Variants in GATC observed in about 807,000 individuals in gnomAD.
GATC encodes glutamyl-tRNA amidotransferase subunit C, also known as glutamyl-tRNA(Gln) amidotransferase subunit C, mitochondrial.
Under a neutral mutation model 14.4 loss-of-function variants are expected in GATC, and 11 were observed. The observed-to-expected ratio is 0.77, with a 90% confidence interval of 0.48 to 1.27. GATC has a LOEUF of 1.27. GATC is among the 50% of genes most tolerant of loss of function. The pLI is 0.00. For missense variants in GATC, 204 were observed against 183.0 expected (o/e 1.11, Z -0.66); for synonymous variants, 76 against 79.3 (o/e 0.96, Z 0.22).
rs1381591641 is a variant in GATC, at chr12:120,448,974, TTAA to T, written c.254+2147_254+2149del. On this transcript the variant is annotated intron_variant, in intron 2 of 3. Transcript: ENST00000551765. ...ATACTTAGGTTCTTTTTTTTTTTTT[TTAA>T]TTGAGACAAGAGTCTCGCTCTGTCG... 5.3e-5 allele frequency among the ~76,000 whole-genome samples: 8 copies of T among 151,340 alleles called. No individual in the cohort carries two copies. In the East Asian group the frequency reaches 1.4e-3, roughly 26 times the overall value.
chr12:120,451,875 C>CTTTTTTGTTTTTTTTT (rs1878056114), intron 2 of GATC, among the ~76,000 whole-genome samples: 1 of 90,794 alleles, frequency 1.1e-5, no homozygotes, highest in Non-Finnish European at 2.3e-5. Context: ...TATATAAATT[C>CTTTTTTGTTTTTTTTT]TTTTTTTTTT....
chr12:120,457,179 G>A lies in GATC; in HGVS notation c.358G>A (p.Gly120Ser). ...VVEEYFVAPP[G>S]NISLPKLDEQ... is the part of the protein sequence containing the mutation. ...GGAGGAGTACTTTGTGGCCCCCCCAGGTACGTGCTGCCCAGAATGGTTTAA... is the reference window on the plus strand; with the variant it reads ...GGAGGAGTACTTTGTGGCCCCCCCAAGTACGTGCTGCCCAGAATGGTTTAA... Residue 120 changes from glycine (G) to serine (S), a missense_variant and splice_region_variant, in exon 3 of 4, where the codon GGT (glycine) becomes AGT (serine). Transcript: ENST00000551765. 6.2e-7 allele frequency: 1 copy of A among 1,605,340 alleles called. No individual in the cohort carries two copies. Among genetic ancestry groups the A allele is most frequent in the Non-Finnish European group, 8.5e-7 (1 of 1,172,148 alleles).
In GATC at chr12:120,459,530, T is replaced by C. The variant is rs140198408; in HGVS notation, c.359-377T>C. On this transcript the variant is annotated intron_variant, in intron 3 of 3. Transcript: ENST00000551765. ...AGAAAGTAGTGATCAGTTAGCTCAG[T>C]AGAGCCAGCTGGGCGGCAGGCTCAG... 2.0e-5 allele frequency among the ~76,000 whole-genome samples: 3 copies of C among 152,330 alleles called. 1 individual carries two copies. The highest frequency in any genetic ancestry group is 4.4e-5 in the Non-Finnish European group (3 of 68,024).
intron 2 of GATC, chr12:120,454,957 C>T (rs556681883): frequency 5.3e-5 from 24 of 449,994 alleles, no homozygotes; most frequent in South Asian, 7.8e-5. Flanking sequence ...GTGTGATCTC[C>T]GCTCACTACA....
At chr12:120,448,960 CTTTTT>C (rs370203860) in intron 2 of GATC, among the ~76,000 whole-genome samples, 2 of 140,128 alleles carry the variant, frequency 1.4e-5, no homozygotes, top group Non-Finnish European at 3.1e-5. Flanking sequence ...TACTTAGGTT[CTTTTT>C]TTTTTTTTTT....
intron 2 of GATC, among the ~76,000 whole-genome samples, chr12:120,451,872 A>ATTTTTTTTTTTTTTTTTTT (rs1555219520): frequency 3.4e-5 from 3 of 88,084 alleles, no homozygotes; most frequent in African/African-American, 1.4e-4. Flanking sequence ...AATTATATAA[A>ATTTTTTTTTTTTTTTTTTT]TTCTTTTTTT....
chr12:120,456,706 C>G (rs1423578959), intron 2 of GATC, among the ~76,000 whole-genome samples: 1 of 152,218 alleles, frequency 6.6e-6, no homozygotes, highest in Non-Finnish European at 1.5e-5. Flanking sequence ...GTGCTACTCA[C>G]GCAGGCTGGA....
chr12:120,460,031 T>TA lies in GATC; in HGVS notation c.*73dup. The TA allele has an allele frequency of 8.7e-7, 1 of 1,155,356 alleles. No individual in the cohort carries two copies. Among genetic ancestry groups the TA allele is most frequent in the Non-Finnish European group, 1.3e-6 (1 of 779,532 alleles). 71.6% of individuals were successfully genotyped at this position (1,155,356 alleles called of 1,614,324 possible). ...AATGACAGTATTTTTTTACTGTGAATACTAATGTTCCTGCTTTTTTCAGTC... is the reference window on the plus strand; with the variant it reads ...AATGACAGTATTTTTTTACTGTGAATAACTAATGTTCCTGCTTTTTTCAGTC... On this transcript the variant is annotated 3_prime_UTR_variant, in exon 4 of 4. Transcript: ENST00000551765.
At position 120,457,092 on chromosome 12, in the gene GATC, T is replaced by C; in HGVS notation, c.271T>C (p.Ser91Pro). The C allele has an allele frequency of 6.2e-7, 1 of 1,613,442 alleles. No homozygotes were observed. The highest frequency in any genetic ancestry group is 8.5e-7 in the Non-Finnish European group (1 of 1,179,410). The change falls in exon 3 of 4, where the codon TCC (serine) becomes CCC (proline). Residue 91 changes from serine to proline, a missense_variant. Coordinates refer to ENST00000551765, the MANE Select transcript of GATC (RefSeq NM_176818.3). ...VLEDRCLYLR[S>P]DNVVEGNCAD... The stretch of plus-strand genomic sequence containing the variant: ...GTTTTGTAGATGTCTATACCTGAGA[T>C]CCGACAATGTGGTAGAAGGCAACTG...
Position 120,462,275 on chromosome 12 carries a change from C to T in GATC, c.*2316C>T. ...AAGTATTGAGCACTTACTGTGTACT[C>T]TGTGCCTGGCATGAGGCTATCTCAT... On this transcript the variant is annotated 3_prime_UTR_variant, in exon 4 of 4. Transcript: ENST00000551765. 8.8e-7 allele frequency: 1 copy of T among 1,142,704 alleles called. No homozygotes were observed. The highest frequency in any genetic ancestry group is 2.7e-5 in the East Asian group (1 of 37,244). 70.8% of individuals were successfully genotyped at this position (1,142,704 alleles called of 1,614,324 possible). A position where few individuals can be genotyped will look rare whatever the true frequency, so the allele number is the denominator to read the frequency against.
Position 120,458,221 on chromosome 12 carries a change from T to C in GATC, c.358+1042T>C, listed in dbSNP as rs183850644. On this transcript the variant is annotated intron_variant, in intron 3 of 3. Coordinates refer to ENST00000551765, the MANE Select transcript of GATC (RefSeq NM_176818.3). Reference sequence around the variant, plus strand: ...TCTCTGCCTCAGCCTGCCGAGTAGCTGGGATTACAGGTGCCTGCCACCATG... The same window carrying C: ...TCTCTGCCTCAGCCTGCCGAGTAGCCGGGATTACAGGTGCCTGCCACCATG... 2.6e-3 allele frequency among the ~76,000 whole-genome samples: 394 copies of C among 151,872 alleles called. 1 individual carries two copies. The highest frequency in any genetic ancestry group is 4.6e-3 in the Non-Finnish European group (313 of 67,978).
chr12:120,457,189 G>A lies in GATC; in HGVS notation c.358+10G>A. The A allele has an allele frequency of 1.9e-6, 3 of 1,584,498 alleles. No homozygotes were observed. Among genetic ancestry groups the A allele is most frequent in the Non-Finnish European group, 2.6e-6 (3 of 1,153,182 alleles). On this transcript the variant is annotated intron_variant, in intron 3 of 3. Transcript: ENST00000551765. ...TTTGTGGCCCCCCCAGGTACGTGCTGCCCAGAATGGTTTAACAGATAGTCT... is the reference window on the plus strand; with the variant it reads ...TTTGTGGCCCCCCCAGGTACGTGCTACCCAGAATGGTTTAACAGATAGTCT...
chr12:120,454,106 C>T (rs1012286894), intron 2 of GATC, among the ~76,000 whole-genome samples: 1 of 152,108 alleles, frequency 6.6e-6, no homozygotes, highest in African/African-American at 2.4e-5. Context: ...CGCCTATTGG[C>T]GGTAGTAGAG....
rs147783239 is a variant in GATC, at chr12:120,449,031, T to C, written c.254+2202T>C. ...AGGCTGGAGTGCAGTGGCGTGATCTTGGCTCACTGCAAGTTCCGCCTCCTG... is the reference window on the plus strand; with the variant it reads ...AGGCTGGAGTGCAGTGGCGTGATCTCGGCTCACTGCAAGTTCCGCCTCCTG... On this transcript the variant is annotated intron_variant, in intron 2 of 3. Coordinates refer to ENST00000551765, the MANE Select transcript of GATC (RefSeq NM_176818.3). Among the ~76,000 whole-genome samples, 646 of 151,010 alleles carry C rather than the reference T, an allele frequency of 4.3e-3. 3 individuals are homozygous for C. Among genetic ancestry groups the C allele is most frequent in the African/African-American group, 0.015 (611 of 41,062 alleles).
Position 120,459,003 on chromosome 12 carries a change from G to A in GATC, c.359-904G>A, listed in dbSNP as rs191489542. On this transcript the variant is annotated intron_variant, in intron 3 of 3. Coordinates refer to ENST00000551765, the MANE Select transcript of GATC (RefSeq NM_176818.3). ...AGCCTCCCAAGTAGCTAGGACTACAGGCGCCCACCACAACGCCTGGCTAAT... is the reference window on the plus strand; with the variant it reads ...AGCCTCCCAAGTAGCTAGGACTACAAGCGCCCACCACAACGCCTGGCTAAT... 2.6e-3 allele frequency among the ~76,000 whole-genome samples: 392 copies of A among 152,276 alleles called. 1 individual carries two copies. Among genetic ancestry groups the A allele is most frequent in the Non-Finnish European group, 4.7e-3 (319 of 68,024 alleles).
intron 3 of GATC, among the ~76,000 whole-genome samples, 181 bp downstream of exon 3, chr12:120,457,360 T>C (rs1448741973): frequency 6.6e-6 from 1 of 151,930 alleles, no homozygotes; most frequent in African/African-American, 2.4e-5. Context: ...GGGCAGTTAG[T>C]AACAGGAACA....
At chr12:120,453,891 A>G (rs974002179) in intron 2 of GATC, among the ~76,000 whole-genome samples, 4 of 152,116 alleles carry the variant, frequency 2.6e-5, no homozygotes, top group Admixed American at 2.0e-4. Context: ...TATTTTAGGA[A>G]CAACTCCATC....
At chr12:120,447,080 T>G (rs1486839659) in intron 2 of GATC, among the ~76,000 whole-genome samples, 3 of 120,934 alleles carry the variant, frequency 2.5e-5, no homozygotes, top group East Asian at 5.7e-4. Context: ...TTGTTTGTTT[T>G]GTTTTTTTTT....
chr12:120,451,884 T>TTTC lies in GATC; in HGVS notation c.254+5057_254+5058insCTT, dbSNP rs1555219529. Among the ~76,000 whole-genome samples the TTTC allele has an allele frequency of 3.9e-5, 5 of 129,450 alleles. No individual in the cohort carries two copies. The East Asian group carries it at 6.9e-4, about 18-fold the overall frequency. The allele number at this position is 129,450 out of a possible 152,430, so 84.9% of individuals were successfully genotyped here. On this transcript the variant is annotated intron_variant, in intron 2 of 3. Transcript: ENST00000551765. ...ATAAATTATATAAATTCTTTTTTTT[T>TTTC]TTTTTTTTTTTGAGCTGGAGTCTCA...
Sources: gnomAD v4.1 joint callset for allele counts (sites outside exome capture counted in the v4.1 genomes callset) on GRCh38, gnomAD v4.1.1 for gene constraint, MANE v1.5 for transcripts, NCBI Gene and HGNC (gene_info 2026-07-23, HGNC 2026-07-21) for gene names.